The following PEAK1 variants were observed in gnomAD, a reference collection of about 807,000 sequenced individuals.
PEAK1 encodes the protein inactive tyrosine-protein kinase PEAK1.
Under a neutral mutation model 124.7 loss-of-function variants are expected in PEAK1, and 54 were observed. That is an observed-to-expected ratio of 0.43 (90% CI 0.35 to 0.54). The LOEUF (loss-of-function observed/expected upper bound fraction) is 0.54. PEAK1 is among the 20% of genes least tolerant of loss of function. The pLI is 0.01. For synonymous variants in PEAK1, 719 were observed against 760.0 expected (o/e 0.95, Z 0.89); for missense variants, 2,046 against 2,134.5 (o/e 0.96, Z 0.82).
In PEAK1 at chr15:77,114,639, C is replaced by T; in HGVS notation, c.4758G>A (p.Gln1586=). Residue 1586 remains glutamine, a synonymous_variant, in exon 10 of 10, where the codon CAG becomes CAA. Coordinates refer to ENST00000682557, the MANE Select transcript of PEAK1 (RefSeq NM_001385026.1). ...RLAPEIITAT[Q]YKKCDEFQTG... Reference sequence around the variant, plus strand: ...TCTGGAACTCATCACACTTTTTATACTGGGTAGCTGTTATGATCTCTGGGG... The same window carrying T: ...TCTGGAACTCATCACACTTTTTATATTGGGTAGCTGTTATGATCTCTGGGG... 1.2e-6 allele frequency: 2 copies of T among 1,613,936 alleles called. No individual in the cohort carries two copies. Among genetic ancestry groups the T allele is most frequent in the Non-Finnish European group, 8.5e-7 (1 of 1,180,000 alleles).
intron 5 of PEAK1, among the ~76,000 whole-genome samples, chr15:77,258,339 T>C (rs964441066): frequency 6.6e-6 from 1 of 152,220 alleles, no homozygotes; most frequent in African/African-American, 2.4e-5. Flanking sequence ...TTTCATGATA[T>C]TGATTCTTCC....
At position 77,334,204 on chromosome 15, in the gene PEAK1, A is replaced by G. The variant is rs572569085; in HGVS notation, c.-603+30959T>C. On this transcript the variant is annotated intron_variant, in intron 2 of 9. Transcript: ENST00000682557. ...ATTGAGAAAGTACTGACTTCAGTAC[A>G]TTTAGACGTAACTAACCACATAATT... 6.1e-5 allele frequency: 60 copies of G among 982,912 alleles called. No homozygotes were observed. The South Asian group carries it at 2.1e-3, about 34-fold the overall frequency. 60.9% of individuals were successfully genotyped at this position (982,912 alleles called of 1,614,324 possible). A position where few individuals can be genotyped will look rare whatever the true frequency, so the allele number is the denominator to read the frequency against.
intron 2 of PEAK1, among the ~76,000 whole-genome samples, chr15:77,287,009 T>C (rs2062965232): frequency 6.6e-6 from 1 of 152,168 alleles, no homozygotes; most frequent in South Asian, 2.1e-4. Flanking sequence ...TTTAGTTGAG[T>C]CATGAAACCC....
At chr15:77,282,591 T>C (rs975929429) in intron 5 of PEAK1, among the ~76,000 whole-genome samples, 10 of 152,178 alleles carry the variant, frequency 6.6e-5, no homozygotes, top group Admixed American at 6.5e-4. Context: ...AGGAATTCTT[T>C]AAGCCTAAAG....
chr15:77,180,611 G>T lies in PEAK1; in HGVS notation c.1316C>A (p.Ala439Asp). 1 of 1,613,978 alleles carries T rather than the reference G, an allele frequency of 6.2e-7. No homozygotes were observed. Among genetic ancestry groups the T allele is most frequent in the Non-Finnish European group, 8.5e-7 (1 of 1,179,986 alleles). The change falls in exon 7 of 10, where the codon GCC (alanine) becomes GAC (aspartate). Residue 439 changes from alanine to aspartate, a missense_variant. Ala to Asp is a moderately radical substitution (Grantham distance 126). Transcript: ENST00000682557. The stretch of plus-strand genomic sequence containing the variant: ...TGCTTGCCCAGCAACATCTGTAGAG[G>T]CTTTACTTTCTTCCTTCTCAGTTTG... ...AVQTEKEESK[A>D]STDVAGQAVT...
At chr15:77,256,737 T>C (rs2061159568) in intron 5 of PEAK1, among the ~76,000 whole-genome samples, 1 of 152,154 alleles carries the variant, frequency 6.6e-6, no homozygotes, top group Admixed American at 6.6e-5. Flanking sequence ...AATTTTATTA[T>C]TATTATACTT....
chr15:77,247,485 C>CTTT (rs398028029), intron 6 of PEAK1, among the ~76,000 whole-genome samples: 1,906 of 84,256 alleles, frequency 0.023, 143 homozygotes, highest in African/African-American at 0.053. Context: ...CTTTTCTTTT[C>CTTT]TTTTTTTTTT....
intron 6 of PEAK1, among the ~76,000 whole-genome samples, chr15:77,238,153 T>A (rs1234862273): frequency 3.9e-5 from 6 of 152,214 alleles, no homozygotes; most frequent in Non-Finnish European, 8.8e-5. Context: ...ATTATGCTTA[T>A]CATGAGTACT....
chr15:77,311,674 C>G (rs1475691651), intron 2 of PEAK1, among the ~76,000 whole-genome samples: 4 of 130,040 alleles, frequency 3.1e-5, no homozygotes, highest in Non-Finnish European at 6.5e-5. Context: ...TTCCAACCCC[C>G]CCAACCCCCA....
At chr15:77,374,700 T>C (rs369208922) in intron 1 of PEAK1, among the ~76,000 whole-genome samples, 10 of 152,298 alleles carry the variant, frequency 6.6e-5, no homozygotes, top group African/African-American at 2.4e-4. Context: ...CTTTTATTCA[T>C]GCTGTAGGCA....
intron 5 of PEAK1, among the ~76,000 whole-genome samples, chr15:77,254,867 G>A (rs555841584): frequency 2.6e-5 from 4 of 152,258 alleles, no homozygotes; most frequent in Non-Finnish European, 4.4e-5. Flanking sequence ...CAGAGTTTAC[G>A]TTTACCTTCT....
At chr15:77,250,255 A>T (rs202119595) in intron 6 of PEAK1, among the ~76,000 whole-genome samples, 7,614 of 47,228 alleles carry the variant, frequency 0.16, 484 homozygotes, top group Middle Eastern at 0.24. Context: ...ATATATATAT[A>T]TATTTTTTTT....
chr15:77,130,644 T>C (rs142272187), intron 9 of PEAK1, among the ~76,000 whole-genome samples: 1 of 152,350 alleles, frequency 6.6e-6, no homozygotes, highest in East Asian at 1.9e-4. Flanking sequence ...CATTTAGATA[T>C]GTTAATTGGT....
intron 5 of PEAK1, among the ~76,000 whole-genome samples, chr15:77,281,424 A>G (rs1489794112): frequency 2.0e-5 from 3 of 152,184 alleles, no homozygotes; most frequent in Non-Finnish European, 4.4e-5. Context: ...TTTCTCCTAT[A>G]GAAGAGCTGC....
chr15:77,161,009 T>G (rs2055588202), intron 7 of PEAK1, among the ~76,000 whole-genome samples: 1 of 152,150 alleles, frequency 6.6e-6, no homozygotes, highest in Non-Finnish European at 1.5e-5. Context: ...TATGAGGAAC[T>G]CCCTGGGCCC....
intron 7 of PEAK1, among the ~76,000 whole-genome samples, chr15:77,160,236 TC>T (rs2055512565): frequency 6.6e-6 from 1 of 151,986 alleles, no homozygotes; most frequent in Non-Finnish European, 1.5e-5. Context: ...AAGTGACACT[TC>T]CAAGACACTC....
intron 6 of PEAK1, among the ~76,000 whole-genome samples, chr15:77,209,867 T>A (rs2058824735): frequency 6.6e-6 from 1 of 152,204 alleles, no homozygotes; most frequent in South Asian, 2.1e-4. Flanking sequence ...GTGAAACTTA[T>A]TTCATATTTC....
At chr15:77,202,542 G>A (rs1476405782) in intron 6 of PEAK1, among the ~76,000 whole-genome samples, 2 of 151,182 alleles carry the variant, frequency 1.3e-5, no homozygotes, top group East Asian at 1.9e-4. Context: ...CGAGGTGGGC[G>A]GATCACGAGG....
chr15:77,410,134 CGATCTTGGCTCACCAT>C (rs2072280660), intron 1 of PEAK1, among the ~76,000 whole-genome samples: 1 of 151,050 alleles, frequency 6.6e-6, no homozygotes. Flanking sequence ...TGCAATGGCA[CGATCTTGGCTCACCAT>C]GATCTCGGCT....
Sources: allele counts gnomAD v4.1 joint callset (sites outside exome capture counted in the v4.1 genomes callset), GRCh38; gene constraint gnomAD v4.1.1; transcripts MANE v1.5; gene names NCBI Gene and HGNC (gene_info 2026-07-23, HGNC 2026-07-21).